The following TJP1 variants were observed in gnomAD, a reference collection of about 807,000 sequenced individuals.
The protein encoded by TJP1 is tight junction protein 1.
TJP1 carries 43 observed loss-of-function variants against 194.2 expected under a neutral mutation model. That is an observed-to-expected ratio of 0.22 (90% CI 0.17 to 0.29). The LOEUF (loss-of-function observed/expected upper bound fraction) is 0.29, where lower values mean the gene tolerates loss of function less well. Among genes scored for constraint, TJP1 ranks in the 10% least tolerant of loss-of-function variants. TJP1 has a pLI of 1.00. For missense variants in TJP1, 1,971 were observed against 2,185.7 expected, an observed-to-expected ratio of 0.90 and a Z score of 1.96; for synonymous variants, 801 against 779.0, an observed-to-expected ratio of 1.03 and a Z score of -0.47.
At chr15:29,753,451 T>G in intron 8 of TJP1, among the ~76,000 whole-genome samples, 1 of 121,530 alleles carries the variant, frequency 8.2e-6, no homozygotes, top group Admixed American at 1.1e-4. Context: ...GCCACTGCAC[T>G]CCAGCCTGGG....
intron 23 of TJP1, among the ~76,000 whole-genome samples, chr15:29,716,112 G>C (rs918298546): frequency 2.0e-5 from 3 of 152,130 alleles, no homozygotes; most frequent in African/African-American, 7.2e-5. Flanking sequence ...AAGATGACTG[G>C]GAGTCAAGAA....
chr15:29,847,267 T>C (rs1379736504), intron 2 of TJP1, among the ~76,000 whole-genome samples: 1 of 152,058 alleles, frequency 6.6e-6, no homozygotes, highest in African/African-American at 2.4e-5. Context: ...CACACCCAGC[T>C]AATTTTTGTA....
intron 11 of TJP1, among the ~76,000 whole-genome samples, chr15:29,735,383 A>G (rs1480506): frequency 1 from 151,400 of 152,122 alleles, 75,341 homozygotes; most frequent in Middle Eastern, 1. Context: ...GAACCCAGGA[A>G]TTTGAGACCA....
intron 26 of TJP1, among the ~76,000 whole-genome samples, chr15:29,705,065 C>T (rs1407392907): frequency 6.6e-6 from 1 of 152,198 alleles, no homozygotes; most frequent in Non-Finnish European, 1.5e-5. Context: ...TCTGAGACTC[C>T]TTCATGCACT....
At chr15:29,800,601 G>GTATC in intron 2 of TJP1, 45 bp downstream of exon 2, 1 of 1,591,204 alleles carries the variant, frequency 6.3e-7, no homozygotes, top group African/African-American at 1.3e-5. Flanking sequence ...AAAGCTGCCA[G>GTATC]TATCCTGAGT....
chr15:29,796,830 TC>T (rs1250537712), intron 2 of TJP1, among the ~76,000 whole-genome samples: 1 of 152,060 alleles, frequency 6.6e-6, no homozygotes, highest in Non-Finnish European at 1.5e-5. Context: ...GACACACAGA[TC>T]AACAGACCAG....
chr15:29,809,569 G>A (rs1171561047), intron 1 of TJP1, among the ~76,000 whole-genome samples: 2 of 152,150 alleles, frequency 1.3e-5, no homozygotes, highest in Non-Finnish European at 2.9e-5. Context: ...AACATGGCTG[G>A]GCGCGGTGGC....
At chr15:29,855,536 AAAAT>A in intron 2 of TJP1, among the ~76,000 whole-genome samples, 1 of 152,328 alleles carries the variant, frequency 6.6e-6, no homozygotes, top group South Asian at 2.1e-4. Flanking sequence ...CATAATTAAA[AAAAT>A]AAAGTGAGAA....
chr15:29,858,229 C>T (rs1348385784), intron 2 of TJP1, among the ~76,000 whole-genome samples: 2 of 152,066 alleles, frequency 1.3e-5, no homozygotes, highest in Non-Finnish European at 1.5e-5. Flanking sequence ...GTCGAAACTT[C>T]GTCTCTATAA....
At chr15:29,810,923 C>G (rs1267842299) in intron 1 of TJP1, among the ~76,000 whole-genome samples, 3 of 152,152 alleles carry the variant, frequency 2.0e-5, no homozygotes, top group African/African-American at 7.2e-5. Context: ...TAACTGGACA[C>G]AACTAGTATG....
At chr15:29,741,643 C>T (rs150325479) in intron 9 of TJP1, among the ~76,000 whole-genome samples, 230 of 152,144 alleles carry the variant, frequency 1.5e-3, no homozygotes, top group Non-Finnish European at 1.0e-3. Flanking sequence ...TTCCATAGTT[C>T]CAGCAATCAG....
At chr15:29,736,812 G>A (rs934154275) in intron 11 of TJP1, among the ~76,000 whole-genome samples, 2 of 152,116 alleles carry the variant, frequency 1.3e-5, no homozygotes, top group African/African-American at 4.8e-5. Context: ...CATTATCTGG[G>A]GTTAAAAAGG....
intron 1 of TJP1, among the ~76,000 whole-genome samples, chr15:29,967,762 T>G (rs962063029): frequency 2.0e-5 from 3 of 152,232 alleles, no homozygotes; most frequent in African/African-American, 7.2e-5. Context: ...CAGCCTCATC[T>G]CCTTTCTCTA....
chr15:29,766,504 A>G lies in TJP1; in HGVS notation c.351T>C (p.Ser117=). ...CAGATACTGGTTCAGGATCAGGACG[A>G]CTTACTGGTATTTGAACTTTCTTCT... ...RRKKKVQIPV[S]RPDPEPVSDN... The change falls in exon 5 of 28, where the codon AGT becomes AGC. Residue 117 remains serine, a synonymous_variant. Transcript: ENST00000614355. 1 of 1,588,686 alleles carries G rather than the reference A, an allele frequency of 6.3e-7. No individual in the cohort carries two copies. The highest frequency in any genetic ancestry group is 8.6e-7 in the Non-Finnish European group (1 of 1,167,706).
intron 5 of TJP1, among the ~76,000 whole-genome samples, chr15:29,765,900 AAACAACAACAAC>A (rs140295014): frequency 6.6e-6 from 1 of 152,046 alleles, no homozygotes; most frequent in Non-Finnish European, 1.5e-5. Context: ...ACAACAACAA[AAACAACAACAAC>A]AACAACACTC....
At chr15:29,787,600 A>G (rs953406169) in intron 2 of TJP1, among the ~76,000 whole-genome samples, 30 of 152,134 alleles carry the variant, frequency 2.0e-4, no homozygotes, top group African/African-American at 6.8e-4. Flanking sequence ...ATCACATAAT[A>G]TATGTTCTTT....
intron 2 of TJP1, among the ~76,000 whole-genome samples, chr15:29,857,027 G>T (rs2152094014): frequency 6.6e-6 from 1 of 152,202 alleles, no homozygotes; most frequent in Non-Finnish European, 1.5e-5. Context: ...GGTATGTGCA[G>T]GTCATATGCA....
chr15:29,904,495 C>A (rs1355573476), intron 2 of TJP1, among the ~76,000 whole-genome samples: 1 of 151,834 alleles, frequency 6.6e-6, no homozygotes, highest in East Asian at 1.9e-4. Context: ...ACAGATTGTT[C>A]CAGTAGTCAA....
intron 8 of TJP1, among the ~76,000 whole-genome samples, chr15:29,744,191 CAT>C (rs1472711000): frequency 2.6e-5 from 4 of 152,084 alleles, no homozygotes; most frequent in Non-Finnish European, 5.9e-5. Flanking sequence ...AAAAAGAAAT[CAT>C]ATTATCATCC....
Sources: gnomAD v4.1 joint callset for allele counts (sites outside exome capture counted in the v4.1 genomes callset) on GRCh38, gnomAD v4.1.1 for gene constraint, MANE v1.5 for transcripts, NCBI Gene and HGNC (gene_info 2026-07-23, HGNC 2026-07-21) for gene names.